Variants in NDUFB11 observed in about 807,000 individuals in gnomAD.
The protein encoded by NDUFB11 is NADH:ubiquinone oxidoreductase subunit B11, also known as NADH dehydrogenase [ubiquinone] 1 beta subcomplex subunit 11, mitochondrial.
For missense variants in NDUFB11, 108 were observed against 133.8 expected (o/e 0.81, Z 0.95); for synonymous variants, 51 against 57.4 (o/e 0.89, Z 0.51).
chrX:47,142,423 C>T lies in NDUFB11; in HGVS notation c.356G>A (p.Arg119His), dbSNP rs782460503. Reference sequence around the variant, plus strand: ...TTTCACAAGCCTCTCAGCTTCGCGGCGGGACCACTCTTTCATCCTGGTAGT... The same window carrying T: ...TTTCACAAGCCTCTCAGCTTCGCGGTGGGACCACTCTTTCATCCTGGTAGT... ...LPDYRMKEWS[R>H]REAERLVKYR... Residue 119 changes from arginine to histidine, a missense_variant, in exon 3 of 3, where the codon CGC becomes CAC. Physicochemically the swap from Arg to His is conservative, Grantham distance 29. Coordinates refer to ENST00000377811, the MANE Select transcript of NDUFB11 (RefSeq NM_001135998.3). 8.3e-6 allele frequency: 10 copies of T among 1,209,896 alleles called. No homozygotes were observed. The highest frequency in any genetic ancestry group is 5.9e-5 in the East Asian group (2 of 33,749).
upstream of NDUFB11, chrX:47,144,766 C>T (rs1213633716): frequency 5.8e-6 from 5 of 854,807 alleles, no homozygotes; most frequent in Non-Finnish European, 7.9e-6. Flanking sequence ...CAATCATCGC[C>T]CCGCCTCCGC....
At chrX:47,144,445 T>TTGCCCCCCCCCCCC in intron 1 of NDUFB11, 28 bp downstream of exon 1, 1 of 61,005 alleles carries the variant, frequency 1.6e-5, no homozygotes, top group Non-Finnish European at 2.6e-5. Flanking sequence ...CCGTCCCCAC[T>TTGCCCCCCCCCCCC]ACCCCCCCCC....
upstream of NDUFB11, chrX:47,145,432 C>G (rs1932024468): frequency 1.7e-6 from 2 of 1,152,831 alleles, no homozygotes; most frequent in East Asian, 6.5e-5. Flanking sequence ...GAGGAGGTGG[C>G]GGCGGGCAGA....
At chrX:47,144,926 G>A (rs902881813), upstream of NDUFB11, 1 of 338,165 alleles carries the variant, frequency 3.0e-6, no homozygotes, top group Non-Finnish European at 5.2e-6. Context: ...CTCATTTCCT[G>A]CATAGGAAGA....
At chrX:47,145,064 C>G, upstream of NDUFB11, 1 of 299,705 alleles carries the variant, frequency 3.3e-6, no homozygotes, top group Non-Finnish European at 5.9e-6. Flanking sequence ...AAAAAGCGGG[C>G]CCTGCCGAAT....
rs374822796 is a variant in NDUFB11, at chrX:47,144,446, A to ACCCCCCCC, written c.207+19_207+26dup. On this transcript the variant is annotated intron_variant, in intron 1 of 2. Transcript: ENST00000377811. The stretch of plus-strand genomic sequence containing the variant: ...ACCCCTTCGGGGTTCCGTCCCCACT[A>ACCCCCCCC]CCCCCCCCCCCCCCCCCGCCTCTCA... 27 of 53,804 alleles carry ACCCCCCCC rather than the reference A, an allele frequency of 5.0e-4. 4 individuals are homozygous for ACCCCCCCC. Among genetic ancestry groups the ACCCCCCCC allele is most frequent in the African/African-American group, 1.8e-3 (5 of 2,842 alleles). 4.4% of individuals were successfully genotyped at this position (53,804 alleles called of 1,213,427 possible). A position where few individuals can be genotyped will look rare whatever the true frequency, so the allele number is the denominator to read the frequency against.
upstream of NDUFB11, chrX:47,145,392 G>C (rs1403732540): frequency 1.8e-6 from 2 of 1,114,643 alleles, no homozygotes; most frequent in Non-Finnish European, 2.4e-6. Context: ...GTTGTTGCGC[G>C]CTCCGGCTCC....
At chrX:47,145,257 T>A, upstream of NDUFB11, 1 of 492,511 alleles carries the variant, frequency 2.0e-6, no homozygotes, top group East Asian at 3.7e-5. Context: ...GACTCCCTTC[T>A]CGTCGTCGCC....
intron 1 of NDUFB11, among the ~76,000 whole-genome samples, chrX:47,143,604 T>C (rs1246470433): frequency 1.8e-5 from 2 of 112,415 alleles, no homozygotes; most frequent in African/African-American, 3.2e-5. Flanking sequence ...ACTTACGAAG[T>C]GCCAGCTGCT....
rs782576938 is a variant in NDUFB11, at chrX:47,142,288, G to T, written c.*29C>A. The T allele has an allele frequency of 1.7e-6, 2 of 1,198,579 alleles. No individual in the cohort carries two copies. The highest frequency in any genetic ancestry group is 2.2e-6 in the Non-Finnish European group (2 of 890,948). On this transcript the variant is annotated 3_prime_UTR_variant, in exon 3 of 3. Coordinates refer to ENST00000377811, the MANE Select transcript of NDUFB11 (RefSeq NM_001135998.3). ...TGGCAGGCAGGGGGTGGGGAAGGCG[G>T]TGCTTCTTGAGCCCCACTTAGCAAC... is the stretch of plus-strand genomic sequence containing the variant.
Position 47,142,281 on chromosome X carries a change from GA to G in NDUFB11, c.*35del. 1 of 1,194,048 alleles carries G rather than the reference GA, an allele frequency of 8.4e-7. No homozygotes were observed. ...GTCAGAATGGCAGGCAGGGGGTGGG[GA>G]AGGCGGTGCTTCTTGAGCCCCACTT... On this transcript the variant is annotated 3_prime_UTR_variant, in exon 3 of 3. Transcript: ENST00000377811.
At position 47,144,446 on chromosome X, in the gene NDUFB11, A is replaced by ACCCCCC. The variant is rs374822796; in HGVS notation, c.207+21_207+26dup. 12 of 53,807 alleles carry ACCCCCC rather than the reference A, an allele frequency of 2.2e-4. 4 individuals are homozygous for ACCCCCC. The highest frequency in any genetic ancestry group is 4.8e-4 in the South Asian group (2 of 4,171). 4.4% of individuals were successfully genotyped at this position (53,807 alleles called of 1,213,427 possible). ...ACCCCTTCGGGGTTCCGTCCCCACT[A>ACCCCCC]CCCCCCCCCCCCCCCCCGCCTCTCA... On this transcript the variant is annotated intron_variant, in intron 1 of 2. Transcript: ENST00000377811.
Position 47,144,686 on chromosome X carries a change from T to C in NDUFB11, c.-7A>G, listed in dbSNP as rs1931965886. The C allele has an allele frequency of 8.7e-7, 1 of 1,148,360 alleles. No homozygotes were observed. The highest frequency in any genetic ancestry group is 1.9e-5 in the South Asian group (1 of 51,441). 94.6% of individuals were successfully genotyped at this position (1,148,360 alleles called of 1,213,427 possible). A position where few individuals can be genotyped will look rare whatever the true frequency, so the allele number is the denominator to read the frequency against. ...CAAACAGCCCAGCCGCCATGACAGA[T>C]GGTGCTGCAGGGTCTCAGGGGCGGG... On this transcript the variant is annotated 5_prime_UTR_variant, in exon 1 of 3. Transcript: ENST00000377811.
chrX:47,144,498 G>C lies in NDUFB11; in HGVS notation c.182C>G (p.Pro61Arg), dbSNP rs782252379. 2 of 978,291 alleles carry C rather than the reference G, an allele frequency of 2.0e-6. No homozygotes were observed. The highest frequency in any genetic ancestry group is 6.2e-5 in the South Asian group (2 of 32,141). 80.6% of individuals were successfully genotyped at this position (978,291 alleles called of 1,213,427 possible). ...CTTCTCATACAAGTTTTCGTCCTCG[G>C]GTTCTGGGTCCTCTTGCCACGGTGT... Reference protein sequence around the residue: ...PTTPWQEDPEPEDENLYEKNP... With the variant: ...PTTPWQEDPEREDENLYEKNP... The change falls in exon 1 of 3, where the codon CCC (proline) becomes CGC (arginine). Residue 61 changes from proline (P) to arginine (R), a missense_variant. By Grantham distance (103) the Pro-to-Arg change is moderately radical. Coordinates refer to ENST00000377811, the MANE Select transcript of NDUFB11 (RefSeq NM_001135998.3).
chrX:47,144,445 T>TGGGGGCCCCCCCCC, intron 1 of NDUFB11, 28 bp downstream of exon 1: 1 of 61,005 alleles, frequency 1.6e-5, no homozygotes, highest in Non-Finnish European at 2.6e-5. Context: ...CCGTCCCCAC[T>TGGGGGCCCCCCCCC]ACCCCCCCCC....
intron 2 of NDUFB11, 55 bp from the exon 3 acceptor site, chrX:47,142,495 C>T: frequency 5.0e-6 from 6 of 1,205,218 alleles, no homozygotes; most frequent in Non-Finnish European, 5.6e-6. Context: ...GATACCAATC[C>T]CTCATCTCAG....
At chrX:47,145,349 C>G (rs1932014019), upstream of NDUFB11, 2 of 943,855 alleles carry the variant, frequency 2.1e-6, no homozygotes, top group Non-Finnish European at 2.9e-6. Context: ...GCGCTTCTCC[C>G]CTCCCCCCGA....
rs1222954027 is a variant in NDUFB11 at position 47,144,332 on chromosome X, T to G, written c.207+141A>C. The G allele has an allele frequency of 2.9e-5, 12 of 416,962 alleles. No individual in the cohort carries two copies. The African/African-American group carries it at 3.1e-4, about 11-fold the overall frequency. 34.4% of individuals were successfully genotyped at this position (416,962 alleles called of 1,213,427 possible). A position where few individuals can be genotyped will look rare whatever the true frequency, so the allele number is the denominator to read the frequency against. The stretch of plus-strand genomic sequence containing the variant: ...AGGAGGAACACAAGGTAGGCAAAAT[T>G]CCCAAGTCTTCTAGGCTTTCGCCGG... On this transcript the variant is annotated intron_variant, in intron 1 of 2. Coordinates refer to ENST00000377811, the MANE Select transcript of NDUFB11 (RefSeq NM_001135998.3).
At chrX:47,145,276 C>T (rs1313261590), upstream of NDUFB11, 10 of 534,867 alleles carry the variant, frequency 1.9e-5, no homozygotes, top group African/African-American at 1.1e-4. Flanking sequence ...CCATTTTGAG[C>T]TGGTGACTGT....
Sources: gnomAD v4.1 joint callset for allele counts (sites outside exome capture counted in the v4.1 genomes callset) on GRCh38, gnomAD v4.1.1 for gene constraint, MANE v1.5 for transcripts, NCBI Gene and HGNC (gene_info 2026-07-23, HGNC 2026-07-21) for gene names.